The following CNTLN variants were observed in gnomAD, a reference collection of about 807,000 sequenced individuals.
CNTLN encodes centlein, centrosomal protein.
A neutral mutation model predicts 180.0 loss-of-function variants in CNTLN; 212 were observed. The observed-to-expected ratio is 1.18, with a 90% CI of 1.05 to 1.32. The LOEUF (loss-of-function observed/expected upper bound fraction) is 1.32. Among genes scored for constraint, CNTLN ranks in the 40% most tolerant of loss-of-function variants. The probability of loss-of-function intolerance (pLI) is 0.00; values close to 1 mark genes in which losing one functional copy is unlikely to be tolerated. For synonymous variants in CNTLN, 722 were observed against 563.1 expected (o/e 1.28, Z -3.99); for missense variants, 2,095 against 1,610.9 (o/e 1.30, Z -5.14).
At chr9:17,416,490 C>A (rs1220445207) in intron 18 of CNTLN, among the ~76,000 whole-genome samples, 4 of 152,086 alleles carry the variant, frequency 2.6e-5, no homozygotes, top group African/African-American at 9.7e-5. Flanking sequence ...TGTGTTACAT[C>A]TTAGTGTTTA....
At chr9:17,238,776 G>T (rs138381971) in intron 5 of CNTLN, among the ~76,000 whole-genome samples, 151 of 152,244 alleles carry the variant, frequency 9.9e-4, no homozygotes, top group Middle Eastern at 3.4e-3. Context: ...GTAAGGAAAA[G>T]ATACTACTTT....
chr9:17,363,424 G>C (rs55863214), intron 12 of CNTLN, among the ~76,000 whole-genome samples: 11,617 of 151,844 alleles, frequency 0.077, 487 homozygotes, highest in South Asian at 0.13. Context: ...TCTAACTGGC[G>C]TGAGATGGTA....
chr9:17,522,810 C>T, the CNTLN span, among the ~76,000 whole-genome samples: 2 of 151,590 alleles, frequency 1.3e-5, no homozygotes, highest in Non-Finnish European at 2.9e-5. Flanking sequence ...CCAACGCTGC[C>T]CCCTGCCCAC....
chr9:17,408,013 G>C (rs544624204), intron 15 of CNTLN, among the ~76,000 whole-genome samples: 3 of 150,760 alleles, frequency 2.0e-5, no homozygotes, highest in African/African-American at 7.3e-5. Flanking sequence ...TGTAATCCCA[G>C]CTACTCGGGA....
chr9:17,470,568 C>T (rs948028473), intron 23 of CNTLN, among the ~76,000 whole-genome samples: 1 of 151,676 alleles, frequency 6.6e-6, no homozygotes, highest in Admixed American at 6.6e-5. Flanking sequence ...GAATTTGGCC[C>T]TGGGGTGAAA....
intron 16 of CNTLN, among the ~76,000 whole-genome samples, chr9:17,411,669 A>C (rs897801974): frequency 6.6e-6 from 1 of 152,138 alleles, no homozygotes; most frequent in Non-Finnish European, 1.5e-5. Context: ...TCACATAAGC[A>C]TGAACCCCGC....
intron 12 of CNTLN, among the ~76,000 whole-genome samples, chr9:17,349,859 C>A (rs1259190817): frequency 6.6e-6 from 1 of 152,128 alleles, no homozygotes; most frequent in African/African-American, 2.4e-5. Flanking sequence ...CAGAGCCAGG[C>A]ACTAACCAGG....
chr9:17,155,200 C>T (rs555130191), intron 2 of CNTLN, among the ~76,000 whole-genome samples: 1 of 152,166 alleles, frequency 6.6e-6, no homozygotes, highest in Non-Finnish European at 1.5e-5. Context: ...AGAACTGTAA[C>T]ACTCACCGCG....
chr9:17,467,600 A>G (rs1289756540), intron 23 of CNTLN, among the ~76,000 whole-genome samples: 1 of 151,654 alleles, frequency 6.6e-6, no homozygotes, highest in Admixed American at 6.6e-5. Flanking sequence ...GAATATTTCA[A>G]CTGGTGTGAA....
intron 8 of CNTLN, among the ~76,000 whole-genome samples, chr9:17,312,433 C>T (rs1050276380): frequency 6.1e-5 from 9 of 147,266 alleles, no homozygotes; most frequent in Non-Finnish European, 4.5e-5. Context: ...GTCGCCCAGG[C>T]TGGAGTGCAG....
intron 25 of CNTLN, among the ~76,000 whole-genome samples, chr9:17,494,069 G>A (rs1588111931): frequency 6.6e-6 from 1 of 152,216 alleles, no homozygotes; most frequent in South Asian, 2.1e-4. Context: ...AAAATGCATT[G>A]TCCCTTGTAA....
At chr9:17,176,932 T>A (rs1563850560) in intron 2 of CNTLN, among the ~76,000 whole-genome samples, 1 of 152,192 alleles carries the variant, frequency 6.6e-6, no homozygotes, top group Non-Finnish European at 1.5e-5. Flanking sequence ...TGTTTCTTGA[T>A]ATTGATAACA....
chr9:17,441,985 C>G (rs575096525), intron 18 of CNTLN, among the ~76,000 whole-genome samples: 2 of 152,234 alleles, frequency 1.3e-5, no homozygotes, highest in African/African-American at 4.8e-5. Context: ...GAAGATAAAA[C>G]AGTTATAAAT....
the CNTLN span, among the ~76,000 whole-genome samples, chr9:17,519,909 A>G: frequency 6.6e-6 from 1 of 152,184 alleles, no homozygotes; most frequent in Admixed American, 6.5e-5. Flanking sequence ...GGGTGAAGCA[A>G]GAGGCATGCC....
At chr9:17,514,118 G>A in the CNTLN span, among the ~76,000 whole-genome samples, 1 of 150,232 alleles carries the variant, frequency 6.7e-6, no homozygotes, top group Non-Finnish European at 1.5e-5. Context: ...GACCAGCCTA[G>A]GCAACATAGT....
chr9:17,463,035 C>A, intron 20 of CNTLN, 22 bp downstream of exon 20: 1 of 1,474,286 alleles, frequency 6.8e-7, no homozygotes, highest in Non-Finnish European at 9.3e-7. Flanking sequence ...GTATTTCTAT[C>A]CATTGTATTT....
Position 17,453,963 on chromosome 9 carries a change from G to C in CNTLN, c.3115-3561G>C, listed in dbSNP as rs564387412. Among the ~76,000 whole-genome samples the C allele has an allele frequency of 4.6e-5, 7 of 152,274 alleles. No homozygotes were observed. In the South Asian group the frequency reaches 8.3e-4, roughly 18 times the overall value. Reference sequence around the variant, plus strand: ...TGATTAGCTCTCAGAAACTTGATTAGGGACGCTGACCCTAATTACATCTAC... The same window carrying C: ...TGATTAGCTCTCAGAAACTTGATTACGGACGCTGACCCTAATTACATCTAC... On this transcript the variant is annotated intron_variant, in intron 18 of 25. Transcript: ENST00000380647.
chr9:17,482,348 A>G (rs986453084), intron 23 of CNTLN, among the ~76,000 whole-genome samples: 3 of 152,240 alleles, frequency 2.0e-5, no homozygotes, highest in African/African-American at 7.2e-5. Flanking sequence ...AAAAACTCCT[A>G]TAAAAATAAG....
chr9:17,263,051 T>A (rs1827126179), intron 5 of CNTLN, among the ~76,000 whole-genome samples: 2 of 151,482 alleles, frequency 1.3e-5, no homozygotes, highest in South Asian at 4.1e-4. Flanking sequence ...TTAATTTTAT[T>A]ATTATTATAC....
Sources: allele counts gnomAD v4.1 joint callset (sites outside exome capture counted in the v4.1 genomes callset), GRCh38; gene constraint gnomAD v4.1.1; transcripts MANE v1.5; gene names NCBI Gene and HGNC (gene_info 2026-07-23, HGNC 2026-07-21).